Variants in CDK6 observed in about 807,000 individuals in gnomAD.
CDK6 encodes the protein cyclin dependent kinase 6, also known as cyclin-dependent kinase 6.
CDK6 carries 6 observed loss-of-function variants against 37.1 expected under a neutral mutation model. The ratio of observed to expected loss-of-function variants is 0.16; its 90% CI spans 0.09 to 0.32. The LOEUF is 0.32. Ranked by LOEUF, CDK6 falls within the 10% of genes least tolerant of loss-of-function variation. The pLI is 1.00. For missense variants in CDK6, 224 were observed against 418.9 expected, an observed-to-expected ratio of 0.53 and a Z score of 4.06; for synonymous variants, 160 against 161.3, an observed-to-expected ratio of 0.99 and a Z score of 0.06.
At chr7:92,748,956 T>A (rs1799124089) in intron 3 of CDK6, among the ~76,000 whole-genome samples, 1 of 151,910 alleles carries the variant, frequency 6.6e-6, no homozygotes, top group African/African-American at 2.4e-5. Context: ...AATCCCAGCA[T>A]GTGGGAGGCC....
chr7:92,694,653 T>C (rs969684941), intron 4 of CDK6, among the ~76,000 whole-genome samples: 5 of 152,208 alleles, frequency 3.3e-5, no homozygotes, highest in Non-Finnish European at 7.4e-5. Context: ...CTGCATGTCA[T>C]GTAACATGGG....
At chr7:92,622,828 C>A (rs1356948510) in intron 6 of CDK6, among the ~76,000 whole-genome samples, 1 of 152,082 alleles carries the variant, frequency 6.6e-6, no homozygotes, top group Non-Finnish European at 1.5e-5. Flanking sequence ...AAGCAACATA[C>A]AAGCTTCCAG....
At chr7:92,762,507 T>C (rs1047267390) in intron 3 of CDK6, among the ~76,000 whole-genome samples, 3 of 152,070 alleles carry the variant, frequency 2.0e-5, no homozygotes, top group Non-Finnish European at 4.4e-5. Context: ...TAACATATGA[T>C]ATATTAGTGA....
chr7:92,620,334 TTCCTAAGAC>T (rs1795781173), intron 6 of CDK6, among the ~76,000 whole-genome samples: 1 of 152,176 alleles, frequency 6.6e-6, no homozygotes, highest in Non-Finnish European at 1.5e-5. Context: ...CTGTAATAAT[TTCCTAAGAC>T]ATGTAAGTCA....
chr7:92,791,786 A>T (rs1013921911), intron 2 of CDK6, among the ~76,000 whole-genome samples: 1 of 152,162 alleles, frequency 6.6e-6, no homozygotes, highest in Admixed American at 6.6e-5. Context: ...GTCCTGGCAG[A>T]AGGAACAGCA....
intron 6 of CDK6, among the ~76,000 whole-genome samples, chr7:92,620,294 A>T (rs1341934734): frequency 6.6e-6 from 1 of 152,120 alleles, no homozygotes; most frequent in Non-Finnish European, 1.5e-5. Flanking sequence ...TATATATATA[A>T]AACTTTAAGT....
intron 3 of CDK6, among the ~76,000 whole-genome samples, chr7:92,744,270 C>T (rs532712333): frequency 3.8e-4 from 58 of 152,160 alleles, no homozygotes; most frequent in South Asian, 1.9e-3. Flanking sequence ...ACAATCATGG[C>T]GGAAGGCAAA....
intron 2 of CDK6, among the ~76,000 whole-genome samples, chr7:92,802,550 CA>C (rs1800607757): frequency 6.6e-6 from 1 of 152,176 alleles, no homozygotes; most frequent in Non-Finnish European, 1.5e-5. Context: ...AGGCCAAAGA[CA>C]TAAAGTGCTC....
At chr7:92,665,221 T>C (rs1796929618) in intron 5 of CDK6, among the ~76,000 whole-genome samples, 2 of 152,188 alleles carry the variant, frequency 1.3e-5, no homozygotes, top group South Asian at 4.1e-4. Flanking sequence ...ATACTGTGAA[T>C]TTATTTTGCT....
At chr7:92,776,017 C>T (rs1245618569) in intron 2 of CDK6, among the ~76,000 whole-genome samples, 2 of 151,796 alleles carry the variant, frequency 1.3e-5, no homozygotes, top group Non-Finnish European at 1.5e-5. Context: ...ACCCTTCAAC[C>T]CATCATCTAC....
chr7:92,612,951 C>T lies in CDK6; in HGVS notation c.*2189G>A. 1 of 233,108 alleles carries T rather than the reference C, an allele frequency of 4.3e-6. No individual in the cohort carries two copies. Among genetic ancestry groups the T allele is most frequent in the East Asian group, 6.1e-5 (1 of 16,520 alleles). 14.4% of individuals were successfully genotyped at this position (233,108 alleles called of 1,614,324 possible). ...CCTCGATCAAAGGAAAGGCAGAACT[C>T]ACTTTTCCATGTGAGACTTTGAGTA... On this transcript the variant is annotated 3_prime_UTR_variant, in exon 8 of 8. Transcript: ENST00000424848.
At chr7:92,816,650 C>T (rs998665447) in intron 2 of CDK6, among the ~76,000 whole-genome samples, 3 of 151,954 alleles carry the variant, frequency 2.0e-5, no homozygotes, top group African/African-American at 7.2e-5. Flanking sequence ...AAGATCCAAG[C>T]TTCTATTTTA....
At chr7:92,733,172 C>T (rs1031902422) in intron 3 of CDK6, among the ~76,000 whole-genome samples, 2 of 152,194 alleles carry the variant, frequency 1.3e-5, no homozygotes, top group African/African-American at 4.8e-5. Context: ...GGGGCCTGTA[C>T]CAACATTCTT....
At chr7:92,811,246 C>A (rs923365755) in intron 2 of CDK6, among the ~76,000 whole-genome samples, 3 of 151,994 alleles carry the variant, frequency 2.0e-5, no homozygotes, top group Non-Finnish European at 2.9e-5. Context: ...GCATTGTGAA[C>A]GAGCCTGGGA....
At position 92,613,545 on chromosome 7, in the gene CDK6, A is replaced by G. The variant is rs1459949289; in HGVS notation, c.*1595T>C. On this transcript the variant is annotated 3_prime_UTR_variant, in exon 8 of 8. Coordinates refer to ENST00000424848, the MANE Select transcript of CDK6 (RefSeq NM_001145306.2). Reference sequence around the variant, plus strand: ...AGAGAAAACAGTAAGAGAAAAAGGAAAAGCTGTTTACAATGCCCAGGCCAG... The same window carrying G: ...AGAGAAAACAGTAAGAGAAAAAGGAGAAGCTGTTTACAATGCCCAGGCCAG... 5.1e-5 allele frequency: 12 copies of G among 233,532 alleles called. No homozygotes were observed. The highest frequency in any genetic ancestry group is 1.7e-5 in the Non-Finnish European group (2 of 118,052). 14.5% of individuals were successfully genotyped at this position (233,532 alleles called of 1,614,324 possible). A position where few individuals can be genotyped will look rare whatever the true frequency, so the allele number is the denominator to read the frequency against.
intron 2 of CDK6, among the ~76,000 whole-genome samples, chr7:92,799,638 G>T (rs1003152503): frequency 1.2e-4 from 18 of 152,078 alleles, no homozygotes; most frequent in African/African-American, 4.3e-4. Flanking sequence ...GTGCTGTGAA[G>T]GTTGGCATGG....
intron 3 of CDK6, among the ~76,000 whole-genome samples, chr7:92,764,163 G>A (rs1374050616): frequency 6.7e-6 from 1 of 149,914 alleles, no homozygotes; most frequent in African/African-American, 2.5e-5. Context: ...TTGAGGCAAG[G>A]TCTTGTGCTC....
chr7:92,649,271 G>A lies in CDK6; in HGVS notation c.647+22155C>T, dbSNP rs555515424. Reference sequence around the variant, plus strand: ...CATGAAACAGCAGATTGAGAAATGCGTTTGTCAATTGTTAAAAAATGAAGA... The same window carrying A: ...CATGAAACAGCAGATTGAGAAATGCATTTGTCAATTGTTAAAAAATGAAGA... On this transcript the variant is annotated intron_variant, in intron 5 of 7. Transcript: ENST00000424848. Among the ~76,000 whole-genome samples the A allele has an allele frequency of 2.2e-4, 34 of 152,238 alleles. No homozygotes were observed. The South Asian group carries it at 6.4e-3, about 29-fold the overall frequency.
At chr7:92,669,507 C>G (rs1358863040) in intron 5 of CDK6, among the ~76,000 whole-genome samples, 1 of 152,184 alleles carries the variant, frequency 6.6e-6, no homozygotes, top group African/African-American at 2.4e-5. Context: ...TGAGACTATT[C>G]TAGACACATA....
Sources: gnomAD v4.1 joint callset for allele counts (sites outside exome capture counted in the v4.1 genomes callset) on GRCh38, gnomAD v4.1.1 for gene constraint, MANE v1.5 for transcripts, NCBI Gene and HGNC (gene_info 2026-07-23, HGNC 2026-07-21) for gene names.